IMMP2L: variants seen among roughly 807,000 people sequenced by gnomAD.
IMMP2L encodes the protein inner mitochondrial membrane peptidase subunit 2.
In IMMP2L, 18 loss-of-function variants were observed where a neutral mutation model predicts 19.3. That is an observed-to-expected ratio of 0.93 (90% confidence interval 0.64 to 1.38). IMMP2L has a LOEUF of 1.38. Ranked by LOEUF, IMMP2L falls within the 40% of genes most tolerant of loss-of-function variation. The pLI is 0.00. For missense variants in IMMP2L, 233 were observed against 218.2 expected (o/e 1.07, Z -0.43); for synonymous variants, 76 against 73.0 (o/e 1.04, Z -0.21).
intron 1 of IMMP2L, among the ~76,000 whole-genome samples, chr7:111,529,674 A>G (rs1554538049): frequency 6.6e-6 from 1 of 152,164 alleles, no homozygotes; most frequent in Non-Finnish European, 1.5e-5. Flanking sequence ...TTTGGCAAAG[A>G]TACCCAATAA....
At position 110,875,211 on chromosome 7, in the gene IMMP2L, C is replaced by T. The variant is rs115669198; in HGVS notation, c.408+11382G>A. Among the ~76,000 whole-genome samples, 823 of 152,214 alleles carry T rather than the reference C, an allele frequency of 5.4e-3. 11 individuals are homozygous for T. The highest frequency in any genetic ancestry group is 0.019 in the African/African-American group (789 of 41,564). ...CTTTGATGAATGACGTTTAAAATAG[C>T]CTTCCTCATTTTATACTATTACTTT... On this transcript the variant is annotated intron_variant, in intron 5 of 5. Coordinates refer to ENST00000405709, the MANE Select transcript of IMMP2L (RefSeq NM_032549.4).
intron 3 of IMMP2L, among the ~76,000 whole-genome samples, chr7:111,004,494 T>C (rs934295399): frequency 6.6e-5 from 10 of 152,144 alleles, no homozygotes; most frequent in African/African-American, 2.2e-4. Flanking sequence ...ACTTAGGTCA[T>C]TGACTATCAC....
At chr7:111,184,981 A>C (rs548889816) in intron 3 of IMMP2L, among the ~76,000 whole-genome samples, 1 of 152,310 alleles carries the variant, frequency 6.6e-6, no homozygotes, top group African/African-American at 2.4e-5. Context: ...AGTCCCTATC[A>C]AAAGCAAGAA....
intron 3 of IMMP2L, among the ~76,000 whole-genome samples, chr7:110,968,768 G>C (rs1218579589): frequency 6.6e-6 from 1 of 152,116 alleles, no homozygotes. Context: ...TATGAGTCTA[G>C]AAATCTTGAA....
At chr7:110,678,043 C>G (rs755074753) in intron 5 of IMMP2L, among the ~76,000 whole-genome samples, 1 of 152,134 alleles carries the variant, frequency 6.6e-6, no homozygotes, top group South Asian at 2.1e-4. Context: ...GGCCCTTGCA[C>G]CTAGGAATAT....
Position 111,475,687 on chromosome 7 carries a change from GAACAAAGA to G in IMMP2L, c.239+11543_239+11550del, listed in dbSNP as rs1031479460. On this transcript the variant is annotated intron_variant, in intron 3 of 5. Coordinates refer to ENST00000405709, the MANE Select transcript of IMMP2L (RefSeq NM_032549.4). ...CTCTACTCCCAGAATAAATTACAAGGAACAAAGAAACAAAGATTTCTACCACTATCTTA... is the reference window on the plus strand; with the variant it reads ...CTCTACTCCCAGAATAAATTACAAGGAACAAAGATTTCTACCACTATCTTA... Among the ~76,000 whole-genome samples, 13 of 151,864 alleles carry G rather than the reference GAACAAAGA, an allele frequency of 8.6e-5. No homozygotes were observed. The East Asian group carries it at 2.5e-3, about 29-fold the overall frequency.
At position 111,462,513 on chromosome 7, in the gene IMMP2L, AT is replaced by A. The variant is rs1292317009; in HGVS notation, c.239+24724del. On this transcript the variant is annotated intron_variant, in intron 3 of 5. Transcript: ENST00000405709. ...AAATAATGGTTTTCCTTTATTAAAAATTTTTTTTGAATTATTGTGAATACAT... is the reference window on the plus strand; with the variant it reads ...AAATAATGGTTTTCCTTTATTAAAAATTTTTTTGAATTATTGTGAATACAT... 4.6e-5 allele frequency among the ~76,000 whole-genome samples: 7 copies of A among 152,120 alleles called. No individual in the cohort carries two copies. The East Asian group carries it at 9.6e-4, about 21-fold the overall frequency.
chr7:111,432,745 G>T (rs1229597754), intron 3 of IMMP2L, among the ~76,000 whole-genome samples: 1 of 150,854 alleles, frequency 6.6e-6, no homozygotes, highest in South Asian at 2.1e-4. Context: ...ATATTCAAAG[G>T]CATCCAAATT....
chr7:111,506,011 C>T (rs568024074), intron 2 of IMMP2L, among the ~76,000 whole-genome samples: 77 of 151,808 alleles, frequency 5.1e-4, no homozygotes, highest in Non-Finnish European at 1.0e-3. Context: ...GCCAGGCTCA[C>T]ACCTGTAACC....
chr7:110,694,358 G>T (rs1285008993), intron 5 of IMMP2L, among the ~76,000 whole-genome samples: 1 of 152,096 alleles, frequency 6.6e-6, no homozygotes, highest in Non-Finnish European at 1.5e-5. Flanking sequence ...GTGCCCACCA[G>T]ATGAAGATGT....
intron 3 of IMMP2L, among the ~76,000 whole-genome samples, chr7:111,049,858 A>G (rs1792836653): frequency 6.6e-6 from 1 of 152,218 alleles, no homozygotes; most frequent in Non-Finnish European, 1.5e-5. Context: ...AGGGGAAATT[A>G]ACTGCTGTTC....
intron 3 of IMMP2L, among the ~76,000 whole-genome samples, chr7:110,989,106 A>G (rs1822174811): frequency 6.6e-6 from 1 of 152,130 alleles, no homozygotes; most frequent in Non-Finnish European, 1.5e-5. Flanking sequence ...GTCGTGGCAC[A>G]TGCCTGTAAT....
chr7:111,283,895 C>T (rs574468767), intron 3 of IMMP2L, among the ~76,000 whole-genome samples: 3 of 140,860 alleles, frequency 2.1e-5, no homozygotes, highest in Non-Finnish European at 4.5e-5. Context: ...GGCGTGAACC[C>T]GGGAGGCGGA....
intron 4 of IMMP2L, among the ~76,000 whole-genome samples, chr7:110,932,584 G>A (rs1815621974): frequency 6.6e-6 from 1 of 152,056 alleles, no homozygotes; most frequent in Non-Finnish European, 1.5e-5. Context: ...TCGATCTCCT[G>A]ACCTCGTGAT....
At chr7:110,697,205 ATC>A (rs1192491052) in intron 5 of IMMP2L, among the ~76,000 whole-genome samples, 1 of 152,178 alleles carries the variant, frequency 6.6e-6, no homozygotes. Context: ...ATGTGACAGT[ATC>A]TCATGATATC....
intron 5 of IMMP2L, among the ~76,000 whole-genome samples, chr7:110,735,652 A>AACATAT (rs1796572645): frequency 7.9e-6 from 1 of 126,212 alleles, no homozygotes; most frequent in Non-Finnish European, 1.6e-5. Flanking sequence ...ATATTAGACA[A>AACATAT]ATATATATAT....
intron 1 of IMMP2L, among the ~76,000 whole-genome samples, chr7:111,539,246 GAAAGAAAGAAAGAAAGAAAGAAAGA>G (rs1563331334): frequency 1.2e-4 from 17 of 145,230 alleles, no homozygotes; most frequent in Non-Finnish European, 1.4e-4. Context: ...AAGAAAGAAA[GAAAGAAAGAAAGAAAGAAAGAAAGA>G]GAACATACGT....
At chr7:111,384,298 AAGG>A (rs1243567148) in intron 3 of IMMP2L, among the ~76,000 whole-genome samples, 3 of 147,630 alleles carry the variant, frequency 2.0e-5, no homozygotes, top group East Asian at 4.1e-4. Flanking sequence ...AGAGAGGAGA[AAGG>A]AGGAGGAGGG....
intron 3 of IMMP2L, among the ~76,000 whole-genome samples, chr7:111,413,251 C>A (rs62464568): frequency 4.6e-5 from 7 of 152,054 alleles, no homozygotes; most frequent in Non-Finnish European, 8.8e-5. Flanking sequence ...ATTCCTGGAC[C>A]AGATGGTTTC....
Sources: gnomAD v4.1 joint callset for allele counts (sites outside exome capture counted in the v4.1 genomes callset) on GRCh38, gnomAD v4.1.1 for gene constraint, MANE v1.5 for transcripts, NCBI Gene and HGNC (gene_info 2026-07-23, HGNC 2026-07-21) for gene names.